CADPS: variants seen among roughly 807,000 people sequenced by gnomAD.
CADPS encodes the protein calcium dependent secretion activator.
CADPS carries 57 observed loss-of-function variants against 167.3 expected under a neutral mutation model. The observed-to-expected ratio is 0.34, with a 90% confidence interval of 0.28 to 0.42. The LOEUF (loss-of-function observed/expected upper bound fraction) is 0.42. Ranked by LOEUF, CADPS falls within the 20% of genes least tolerant of loss-of-function variation. The probability of loss-of-function intolerance (pLI) is 1.00; values close to 1 mark genes in which losing one functional copy is unlikely to be tolerated. For synonymous variants in CADPS, 676 were observed against 635.3 expected (o/e 1.06, Z -0.96); for missense variants, 1,414 against 1,738.1 (o/e 0.81, Z 3.32).
At chr3:62,693,196 C>T (rs1301425696) in intron 3 of CADPS, among the ~76,000 whole-genome samples, 1 of 152,062 alleles carries the variant, frequency 6.6e-6, no homozygotes, top group Non-Finnish European at 1.5e-5. Context: ...ACCATTTCAT[C>T]CCCAGAAGTG....
rs192295056 is a variant in CADPS, at chr3:62,458,177, C to A, written c.3636+7190G>T. On this transcript the variant is annotated intron_variant, in intron 26 of 29. Coordinates refer to ENST00000383710, the MANE Select transcript of CADPS (RefSeq NM_003716.4). This position sits in a 1 kb window ranked among gnomAD's most constrained non-coding sequence, Gnocchi z 4.6. ...AGGCTAAGAATGGCTATTTATGGAG[C>A]ACCTACTAACTATATACCAGGTGTT... Among the ~76,000 whole-genome samples, 99 of 152,282 alleles carry A rather than the reference C, an allele frequency of 6.5e-4. No individual in the cohort carries two copies. Among genetic ancestry groups the A allele is most frequent in the African/African-American group, 2.3e-3 (96 of 41,558 alleles).
intron 1 of CADPS, among the ~76,000 whole-genome samples, chr3:62,862,257 G>A (rs1055847188): frequency 9.1e-5 from 13 of 143,286 alleles, no homozygotes; most frequent in East Asian, 6.2e-4. Flanking sequence ...TTGCTCTGTC[G>A]CCAGTCTGGG....
intron 3 of CADPS, among the ~76,000 whole-genome samples, chr3:62,698,759 A>C (rs1216718090): frequency 3.2e-5 from 1 of 31,332 alleles, no homozygotes; most frequent in Non-Finnish European, 5.9e-5. Flanking sequence ...TTTTTTTTTC[A>C]GACAGGGTCT....
chr3:62,572,458 G>C (rs17066613), intron 8 of CADPS, among the ~76,000 whole-genome samples: 4 of 151,964 alleles, frequency 2.6e-5, no homozygotes, highest in Non-Finnish European at 5.9e-5. Context: ...TCCTGGAAAC[G>C]AGACAGAGCT....
At chr3:62,738,516 G>A (rs1301759775) in intron 3 of CADPS, among the ~76,000 whole-genome samples, 1 of 152,086 alleles carries the variant, frequency 6.6e-6, no homozygotes, top group African/African-American at 2.4e-5. Context: ...CTGAGGTCAG[G>A]AGATCAAGAT....
At chr3:62,481,192 A>G (rs2061968553) in intron 22 of CADPS, among the ~76,000 whole-genome samples, 1 of 152,238 alleles carries the variant, frequency 6.6e-6, no homozygotes, top group African/African-American at 2.4e-5. Flanking sequence ...GGCTTGATCC[A>G]TTCAGAAATT....
intron 6 of CADPS, among the ~76,000 whole-genome samples, chr3:62,617,105 G>A (rs1366952660): frequency 3.9e-5 from 6 of 152,150 alleles, no homozygotes; most frequent in African/African-American, 7.2e-5. Flanking sequence ...TCTAGCTCCT[G>A]GTTTGTCTTA....
chr3:62,591,641 T>C (rs1562580271), intron 7 of CADPS, among the ~76,000 whole-genome samples: 1 of 152,220 alleles, frequency 6.6e-6, no homozygotes, highest in East Asian at 1.9e-4. Flanking sequence ...ATTGGCAAAA[T>C]CAACTTGTGA....
chr3:62,714,314 T>G (rs550347393), intron 3 of CADPS, among the ~76,000 whole-genome samples: 68 of 152,358 alleles, frequency 4.5e-4, no homozygotes, highest in African/African-American at 1.6e-3. Context: ...TCATGGTTAA[T>G]TCATTGCTCA....
At chr3:62,626,512 C>A in intron 6 of CADPS, 1 of 702,696 alleles carries the variant, frequency 1.4e-6, no homozygotes, top group Non-Finnish European at 2.6e-6. Flanking sequence ...TGACATGGCA[C>A]AAAGACGGGA....
intron 1 of CADPS, chr3:62,779,533 C>G: frequency 1.9e-6 from 1 of 535,900 alleles, no homozygotes. Context: ...CATGTGGCTG[C>G]CCATTTTGTA....
intron 2 of CADPS, among the ~76,000 whole-genome samples, chr3:62,759,390 G>T (rs1336720516): frequency 2.0e-5 from 3 of 152,064 alleles, no homozygotes; most frequent in Non-Finnish European, 2.9e-5. Flanking sequence ...CATGAAAAAA[G>T]ATATATATTT....
intron 28 of CADPS, among the ~76,000 whole-genome samples, chr3:62,429,430 A>T (rs1376107741): frequency 6.6e-6 from 1 of 152,240 alleles, no homozygotes; most frequent in Non-Finnish European, 1.5e-5. Flanking sequence ...TAATTAGAGC[A>T]GTAACTATGT....
chr3:62,490,288 C>T (rs186408388), intron 21 of CADPS, among the ~76,000 whole-genome samples: 16 of 151,728 alleles, frequency 1.1e-4, no homozygotes, highest in Admixed American at 3.3e-4. Context: ...CTAGCATGAA[C>T]GAAATGATTT....
At chr3:62,619,362 C>T (rs899730552) in intron 6 of CADPS, among the ~76,000 whole-genome samples, 4 of 152,122 alleles carry the variant, frequency 2.6e-5, no homozygotes, top group African/African-American at 7.2e-5. Context: ...ACAACAAGCA[C>T]ACCTATTTGA....
chr3:62,520,465 C>T (rs112002097), intron 13 of CADPS, among the ~76,000 whole-genome samples: 23 of 152,330 alleles, frequency 1.5e-4, no homozygotes, highest in Admixed American at 5.2e-4. Flanking sequence ...AACCTCTCCT[C>T]GTACTACTTT....
At chr3:62,406,216 A>AT (rs961094826) in intron 28 of CADPS, among the ~76,000 whole-genome samples, 8 of 151,740 alleles carry the variant, frequency 5.3e-5, no homozygotes, top group African/African-American at 1.2e-4. Flanking sequence ...TTCGTGGGGG[A>AT]TTTTTTCATC....
At chr3:62,716,213 C>T (rs1321569291) in intron 3 of CADPS, among the ~76,000 whole-genome samples, 3 of 152,198 alleles carry the variant, frequency 2.0e-5, no homozygotes, top group African/African-American at 7.2e-5. Context: ...GCACTTGCCA[C>T]CAGCTAATTT....
chr3:62,730,328 T>C (rs2077531592), intron 3 of CADPS, among the ~76,000 whole-genome samples: 1 of 152,176 alleles, frequency 6.6e-6, no homozygotes, highest in Non-Finnish European at 1.5e-5. Context: ...GCTACTGGTA[T>C]CTAGTGAGTA....
Sources: allele counts gnomAD v4.1 joint callset (sites outside exome capture counted in the v4.1 genomes callset), GRCh38; gene constraint gnomAD v4.1.1; non-coding constraint Gnocchi (gnomAD v3.1); transcripts MANE v1.5; gene names NCBI Gene and HGNC (gene_info 2026-07-23, HGNC 2026-07-21).